BRMS1: variants seen among roughly 807,000 people sequenced by gnomAD.
BRMS1 encodes breast cancer metastasis-suppressor 1.
Under a neutral mutation model 40.4 loss-of-function variants are expected in BRMS1, and 26 were observed. That is an observed-to-expected ratio of 0.64 (90% CI 0.47 to 0.89). The LOEUF is 0.89. Among genes scored for constraint, BRMS1 ranks in the 40% least tolerant of loss-of-function variants. The pLI, the probability that BRMS1 is intolerant of heterozygous loss-of-function variation, is 0.00. For synonymous variants in BRMS1, 103 were observed against 116.0 expected (o/e 0.89, Z 0.72); for missense variants, 289 against 309.4 (o/e 0.93, Z 0.49).
At chr11:66,339,938 G>C (rs1388443073) in intron 7 of BRMS1, 183 bp downstream of exon 7, 1 of 565,520 alleles carries the variant, frequency 1.8e-6, no homozygotes, top group Admixed American at 2.9e-5. Context: ...AGCCCAGAGA[G>C]ACCCAGGACC....
At chr11:66,339,657 C>G (rs1565205477) in intron 7 of BRMS1, 1 of 154,460 alleles carries the variant, frequency 6.5e-6, no homozygotes, top group Non-Finnish European at 1.4e-5. Flanking sequence ...AGTGCAGTGG[C>G]ACCATCACGG....
rs1590929602 is a variant in BRMS1 at position 66,341,699 on chromosome 11, A to G, written c.140-76T>C. 1 of 1,237,374 alleles carries G rather than the reference A, an allele frequency of 8.1e-7. No homozygotes were observed. Among genetic ancestry groups the G allele is most frequent in the East Asian group, 2.3e-5 (1 of 42,864 alleles). 76.6% of individuals were successfully genotyped at this position (1,237,374 alleles called of 1,614,324 possible). ...CCGCATGTGTGCATGTGCGTCCTGC[A>G]TGTGTGTGTGTGCATGCATGCCTGT... On this transcript the variant is annotated intron_variant, in intron 2 of 9. Coordinates refer to ENST00000359957, the MANE Select transcript of BRMS1 (RefSeq NM_015399.4). This position sits in a 1 kb window ranked among gnomAD's most constrained non-coding sequence, Gnocchi z 4.9.
In BRMS1 at chr11:66,344,965, T is replaced by C. The variant is rs1446431873; in HGVS notation, c.-8+7A>G. 1 of 152,288 alleles carries C rather than the reference T, an allele frequency of 6.6e-6. No homozygotes were observed. Among genetic ancestry groups the C allele is most frequent in the Non-Finnish European group, 1.5e-5 (1 of 68,076 alleles). 9.4% of individuals were successfully genotyped at this position (152,288 alleles called of 1,614,324 possible). On this transcript the variant is annotated splice_region_variant and intron_variant, in intron 1 of 9. Transcript: ENST00000359957. The stretch of plus-strand genomic sequence containing the variant: ...GCGAACCAAAAGCCATGCATGACGA[T>C]ACGCACCGCGGGGACTGGAGCCTCT...
At position 66,337,763 on chromosome 11, in the gene BRMS1, G is replaced by C. The variant is rs1262307101; in HGVS notation, c.*119C>G. 15 of 1,613,366 alleles carry C rather than the reference G, an allele frequency of 9.3e-6. No individual in the cohort carries two copies. Among genetic ancestry groups the C allele is most frequent in the Non-Finnish European group, 1.3e-5 (15 of 1,179,854 alleles). Reference sequence around the variant, plus strand: ...AGTGGGAGGGCCCAGCAGCACCACAGGAGCCTGGCTGGGCAGACCCTGAGG... The same window carrying C: ...AGTGGGAGGGCCCAGCAGCACCACACGAGCCTGGCTGGGCAGACCCTGAGG... On this transcript the variant is annotated 3_prime_UTR_variant, in exon 10 of 10. Coordinates refer to ENST00000359957, the MANE Select transcript of BRMS1 (RefSeq NM_015399.4).
intron 6 of BRMS1, among the ~76,000 whole-genome samples, chr11:66,340,489 G>C (rs1192949541): frequency 6.6e-6 from 1 of 152,174 alleles, no homozygotes; most frequent in Non-Finnish European, 1.5e-5. Flanking sequence ...GTGAACACAG[G>C]TACTATGAAC....
chr11:66,338,390 C>T, intron 8 of BRMS1, 108 bp from the exon 9 acceptor site: 3 of 1,536,536 alleles, frequency 2.0e-6, no homozygotes, highest in East Asian at 2.5e-5. Context: ...AGTGCTGTGC[C>T]CCCAGGACCG....
At chr11:66,338,672 TG>T (rs1191610182) in intron 8 of BRMS1, 48 bp downstream of exon 8, 3 of 1,612,970 alleles carry the variant, frequency 1.9e-6, no homozygotes, top group African/African-American at 1.3e-5. Flanking sequence ...GCTGCCAGGG[TG>T]GGGGGCCCTG....
chr11:66,338,861 T>TG, intron 7 of BRMS1, 76 bp from the exon 8 acceptor site: 1 of 1,415,724 alleles, frequency 7.1e-7, no homozygotes, highest in Non-Finnish European at 9.6e-7. Flanking sequence ...CATTCAGGAG[T>TG]GGGGGTACAG....
At chr11:66,342,770 A>G (rs1855115867) in intron 1 of BRMS1, among the ~76,000 whole-genome samples, 1 of 152,236 alleles carries the variant, frequency 6.6e-6, no homozygotes, top group African/African-American at 2.4e-5. Context: ...GGTCTTTCCC[A>G]GACTGGACTT....
intron 9 of BRMS1, 107 bp downstream of exon 9, chr11:66,338,136 A>T (rs1854972965): frequency 6.8e-7 from 1 of 1,474,404 alleles, no homozygotes; most frequent in Middle Eastern, 1.7e-4. Context: ...TGAGCCACTG[A>T]TTCTGACACA....
chr11:66,342,090 G>T lies in BRMS1; in HGVS notation c.139+6C>A. The T allele has an allele frequency of 6.2e-7, 1 of 1,611,670 alleles. No homozygotes were observed. On this transcript the variant is annotated splice_donor_region_variant and intron_variant, in intron 2 of 9. Coordinates refer to ENST00000359957, the MANE Select transcript of BRMS1 (RefSeq NM_015399.4). ...TGTGTGTGTGTCTGTGTGTGTAGGG[G>T]CTCACCGGAGCTCTCCTCTTCTGAC...
intron 1 of BRMS1, among the ~76,000 whole-genome samples, chr11:66,343,507 G>C (rs896925203): frequency 6.6e-6 from 1 of 152,164 alleles, no homozygotes; most frequent in East Asian, 1.9e-4. Context: ...TAAGACCAGG[G>C]GCATAAGGGA....
chr11:66,342,773 C>T (rs1423382848), intron 1 of BRMS1, among the ~76,000 whole-genome samples: 1 of 152,240 alleles, frequency 6.6e-6, no homozygotes, highest in Non-Finnish European at 1.5e-5. Flanking sequence ...CTTTCCCAGA[C>T]TGGACTTGAC....
rs1855054216 is a variant in BRMS1, at chr11:66,341,033, G to A, written c.372C>T (p.Gly124=). ...TATTCCTGATCACATCCAGACAGAA[G>A]CCCTTGTAGATCCCTGCAGAGAAAG... ...IRIQVAGIYK[G]FCLDVIRNKY... Residue 124 remains glycine (G), a synonymous_variant, in exon 5 of 10, where the codon GGC becomes GGT. Transcript: ENST00000359957. The surrounding 1 kb of genome is among the most constrained non-coding windows in gnomAD (Gnocchi z 4.9). 6.2e-7 allele frequency: 1 copy of A among 1,613,900 alleles called. No individual in the cohort carries two copies. The highest frequency in any genetic ancestry group is 8.5e-7 in the Non-Finnish European group (1 of 1,180,024).
intron 8 of BRMS1, 168 bp downstream of exon 8, chr11:66,338,553 C>A (rs767868037): frequency 6.5e-7 from 1 of 1,535,514 alleles, no homozygotes; most frequent in African/African-American, 1.4e-5. Flanking sequence ...TTTCCCAGGG[C>A]CGCCTTGAGC....
chr11:66,344,823 G>A (rs1174396292), intron 1 of BRMS1, 149 bp downstream of exon 1: 1 of 152,304 alleles, frequency 6.6e-6, no homozygotes, highest in Non-Finnish European at 1.5e-5. Flanking sequence ...AGATGCGCCG[G>A]AGCGGGCCGG....
In BRMS1 at chr11:66,340,765, C is replaced by G; in HGVS notation, c.535+9G>C. 1 of 1,607,666 alleles carries G rather than the reference C, an allele frequency of 6.2e-7. No individual in the cohort carries two copies. The highest frequency in any genetic ancestry group is 8.5e-7 in the Non-Finnish European group (1 of 1,178,736). Reference sequence around the variant, plus strand: ...CCCAGTTCCGGGGTGCCCAGGCTCTCGCGCTTACCAGAGCTGAGGTCCAGG... The same window carrying G: ...CCCAGTTCCGGGGTGCCCAGGCTCTGGCGCTTACCAGAGCTGAGGTCCAGG... On this transcript the variant is annotated intron_variant, in intron 6 of 9. Transcript: ENST00000359957.
At chr11:66,342,913 CCTT>C (rs1414568892) in intron 1 of BRMS1, among the ~76,000 whole-genome samples, 4 of 152,238 alleles carry the variant, frequency 2.6e-5, no homozygotes, top group Admixed American at 6.5e-5. Flanking sequence ...GTTACAATCT[CCTT>C]GTCTTTCATT....
At position 66,341,134 on chromosome 11, in the gene BRMS1, G is replaced by T; in HGVS notation, c.358+72C>A. 1 of 1,612,222 alleles carries T rather than the reference G, an allele frequency of 6.2e-7. No individual in the cohort carries two copies. Among genetic ancestry groups the T allele is most frequent in the African/African-American group, 1.3e-5 (1 of 75,008 alleles). ...TGAGAGCAAAGGGCAAGGCCGGGCAGGAACGAGAGAGGAAGGGGACAGGGT... is the reference window on the plus strand; with the variant it reads ...TGAGAGCAAAGGGCAAGGCCGGGCATGAACGAGAGAGGAAGGGGACAGGGT... On this transcript the variant is annotated intron_variant, in intron 4 of 9. Coordinates refer to ENST00000359957, the MANE Select transcript of BRMS1 (RefSeq NM_015399.4). The surrounding 1 kb of genome is among the most constrained non-coding windows in gnomAD (Gnocchi z 4.9).
Sources: allele counts gnomAD v4.1 joint callset (sites outside exome capture counted in the v4.1 genomes callset), GRCh38; gene constraint gnomAD v4.1.1; non-coding constraint Gnocchi (gnomAD v3.1); transcripts MANE v1.5; gene names NCBI Gene and HGNC (gene_info 2026-07-23, HGNC 2026-07-21).